GLIS3: variants seen among roughly 807,000 people sequenced by gnomAD.
GLIS3 encodes zinc finger protein GLIS3.
In GLIS3, 53 loss-of-function variants were observed where a neutral mutation model predicts 78.6. The ratio of observed to expected loss-of-function variants is 0.67; its 90% CI spans 0.54 to 0.85. The LOEUF (loss-of-function observed/expected upper bound fraction) is 0.85, where lower values mean the gene tolerates loss of function less well. Ranked by LOEUF, GLIS3 falls within the 40% of genes least tolerant of loss-of-function variation. GLIS3 has a pLI of 0.00. For missense variants in GLIS3, 1,703 were observed against 1,231.1 expected (o/e 1.38, Z -5.74); for synonymous variants, 684 against 509.9 (o/e 1.34, Z -4.60).
intron 9 of GLIS3, among the ~76,000 whole-genome samples, chr9:3,848,052 A>G (rs1268049883): frequency 2.0e-5 from 3 of 152,168 alleles, no homozygotes; most frequent in Admixed American, 1.3e-4. Context: ...AATCAATTAT[A>G]TTTATCTTTC....
At chr9:4,242,582 C>G (rs114801193) in intron 2 of GLIS3, among the ~76,000 whole-genome samples, 2 of 152,080 alleles carry the variant, frequency 1.3e-5, no homozygotes, top group Non-Finnish European at 2.9e-5. Context: ...CTCCCCATAC[C>G]CAGTGGGTTC....
At chr9:4,219,905 G>A (rs1821171684) in intron 2 of GLIS3, among the ~76,000 whole-genome samples, 1 of 152,124 alleles carries the variant, frequency 6.6e-6, no homozygotes, top group Non-Finnish European at 1.5e-5. Flanking sequence ...CCAGCACTCA[G>A]ATCTTGGTTT....
chr9:3,941,592 G>A (rs572153078), intron 4 of GLIS3, among the ~76,000 whole-genome samples: 14 of 152,152 alleles, frequency 9.2e-5, no homozygotes, highest in Middle Eastern at 3.4e-3. Flanking sequence ...TTCCCCTGTT[G>A]AGAAAAAGCA....
At chr9:3,865,834 C>T (rs1405727158) in intron 8 of GLIS3, among the ~76,000 whole-genome samples, 1 of 152,124 alleles carries the variant, frequency 6.6e-6, no homozygotes, top group East Asian at 1.9e-4. Flanking sequence ...TATAGGCATC[C>T]TAATAGTTGG....
chr9:4,430,645 G>C, the GLIS3 span, among the ~76,000 whole-genome samples: 2 of 152,330 alleles, frequency 1.3e-5, no homozygotes, highest in Middle Eastern at 3.4e-3. Context: ...CAAGAGGATA[G>C]ATATCTTCAT....
At chr9:4,334,566 A>T (rs1349495671) in intron 2 of GLIS3, among the ~76,000 whole-genome samples, 1 of 152,192 alleles carries the variant, frequency 6.6e-6, no homozygotes, top group African/African-American at 2.4e-5. Flanking sequence ...GTCATGGGGA[A>T]GTTATTGTTG....
At chr9:3,860,432 G>C (rs1412108207) in intron 8 of GLIS3, among the ~76,000 whole-genome samples, 1 of 151,920 alleles carries the variant, frequency 6.6e-6, no homozygotes, top group Non-Finnish European at 1.5e-5. Flanking sequence ...CTTCTCCATT[G>C]CTTGCTCAGC....
the GLIS3 span, among the ~76,000 whole-genome samples, chr9:4,435,772 A>G: frequency 2.0e-5 from 3 of 151,988 alleles, no homozygotes; most frequent in African/African-American, 7.3e-5. Flanking sequence ...ATACAGTGAA[A>G]CCCTATCTCT....
chr9:4,042,498 C>T (rs775843485), intron 4 of GLIS3, among the ~76,000 whole-genome samples: 5 of 152,050 alleles, frequency 3.3e-5, no homozygotes, highest in African/African-American at 9.7e-5. Context: ...TTTTATTTTG[C>T]GTAAAGAATG....
chr9:4,195,158 T>C (rs1285476117), intron 2 of GLIS3, among the ~76,000 whole-genome samples: 1 of 152,226 alleles, frequency 6.6e-6, no homozygotes, highest in African/African-American at 2.4e-5. Flanking sequence ...GGCCTTTGCT[T>C]GCTCTCAGCG....
intron 7 of GLIS3, among the ~76,000 whole-genome samples, chr9:3,896,310 C>G (rs1387673430): frequency 6.6e-6 from 1 of 152,066 alleles, no homozygotes; most frequent in Non-Finnish European, 1.5e-5. Flanking sequence ...AAAGGCGTAA[C>G]ATTTTTTTAA....
At chr9:4,015,230 AG>A (rs1380439681) in intron 4 of GLIS3, among the ~76,000 whole-genome samples, 1 of 152,176 alleles carries the variant, frequency 6.6e-6, no homozygotes, top group Non-Finnish European at 1.5e-5. Flanking sequence ...GATGTGAGGA[AG>A]GGGGTGTTTG....
intron 4 of GLIS3, among the ~76,000 whole-genome samples, chr9:3,951,886 G>GCACA (rs1816720574): frequency 3.3e-5 from 2 of 60,474 alleles, no homozygotes; most frequent in Non-Finnish European, 7.1e-5. Flanking sequence ...ACACACACAC[G>GCACA]CACGCACACA....
intron 4 of GLIS3, among the ~76,000 whole-genome samples, chr9:4,007,108 G>C (rs925184660): frequency 2.6e-5 from 4 of 152,188 alleles, no homozygotes; most frequent in Admixed American, 1.3e-4. Context: ...TAGAAGAAAA[G>C]ACTAATAGGA....
chr9:4,056,946 A>G (rs188602122), intron 4 of GLIS3, among the ~76,000 whole-genome samples: 3 of 146,686 alleles, frequency 2.0e-5, no homozygotes, highest in Admixed American at 1.4e-4. Flanking sequence ...AAAAAGCCAC[A>G]ATAATCATCT....
At chr9:3,858,653 T>C (rs1390589261) in intron 8 of GLIS3, among the ~76,000 whole-genome samples, 1 of 152,150 alleles carries the variant, frequency 6.6e-6, no homozygotes, top group Non-Finnish European at 1.5e-5. Context: ...GAAATTTAAA[T>C]ATAAACTATT....
At chr9:4,179,902 T>C (rs571657971) in intron 2 of GLIS3, among the ~76,000 whole-genome samples, 1 of 122,506 alleles carries the variant, frequency 8.2e-6, no homozygotes, top group Admixed American at 8.4e-5. Flanking sequence ...AGAGCGAGAC[T>C]CTGTCTCAAA....
chr9:4,475,736 G>A, the GLIS3 span, among the ~76,000 whole-genome samples: 1 of 152,182 alleles, frequency 6.6e-6, no homozygotes, highest in Admixed American at 6.5e-5. Flanking sequence ...GTGTACAAGG[G>A]AGGGGAATAT....
Position 4,018,636 on chromosome 9 carries a change from A to G in GLIS3, c.1711-81447T>C, listed in dbSNP as rs75356914. On this transcript the variant is annotated intron_variant, in intron 4 of 10. Transcript: ENST00000381971. ...CACAGAGTAGTTTCCAAATCAAAGGAGCAATGGTTCTCAACTGCGTTCCAC... is the reference window on the plus strand; with the variant it reads ...CACAGAGTAGTTTCCAAATCAAAGGGGCAATGGTTCTCAACTGCGTTCCAC... 7.1e-3 allele frequency among the ~76,000 whole-genome samples: 1,078 copies of G among 152,226 alleles called. 14 individuals carry two copies. The highest frequency in any genetic ancestry group is 0.04 in the East Asian group (206 of 5,182).
Sources: gnomAD v4.1 joint callset for allele counts (sites outside exome capture counted in the v4.1 genomes callset) on GRCh38, gnomAD v4.1.1 for gene constraint, MANE v1.5 for transcripts, NCBI Gene and HGNC (gene_info 2026-07-23, HGNC 2026-07-21) for gene names.